VAC14: variants seen among roughly 807,000 people sequenced by gnomAD.
VAC14 encodes the protein VAC14 component of PIKFYVE complex.
VAC14 carries 47 observed loss-of-function variants against 85.3 expected under a neutral mutation model. The ratio of observed to expected loss-of-function variants is 0.55; its 90% CI spans 0.44 to 0.70. The LOEUF (loss-of-function observed/expected upper bound fraction) is 0.70, where lower values mean the gene tolerates loss of function less well. Ranked by LOEUF, VAC14 falls within the 30% of genes least tolerant of loss-of-function variation. VAC14 has a pLI of 0.00. For missense variants in VAC14, 861 were observed against 1,004.3 expected, an observed-to-expected ratio of 0.86 and a Z score of 1.93; for synonymous variants, 447 against 430.5, an observed-to-expected ratio of 1.04 and a Z score of -0.47.
chr16:70,744,630 C>T (rs757474601), intron 12 of VAC14, 51 bp from the exon 13 acceptor site: 2 of 1,522,826 alleles, frequency 1.3e-6, no homozygotes, highest in South Asian at 2.6e-5. Context: ...GAGAGCTGTG[C>T]TGACCTGGGC....
chr16:70,707,939 C>G (rs150308343), intron 14 of VAC14, among the ~76,000 whole-genome samples: 1 of 151,974 alleles, frequency 6.6e-6, no homozygotes, highest in Non-Finnish European at 1.5e-5. Context: ...TACAGGCGCC[C>G]GTCACCACAC....
At chr16:70,698,998 C>T (rs533406595) in intron 14 of VAC14, among the ~76,000 whole-genome samples, 187 bp from the exon 15 acceptor site, 1 of 152,258 alleles carries the variant, frequency 6.6e-6, no homozygotes, top group South Asian at 2.1e-4. Context: ...GAATGCCGCA[C>T]CTGCCTCTAG....
chr16:70,737,081 G>C (rs1207961893), intron 13 of VAC14, among the ~76,000 whole-genome samples: 1 of 152,176 alleles, frequency 6.6e-6, no homozygotes, highest in Non-Finnish European at 1.5e-5. Flanking sequence ...GGAGGAGATG[G>C]GTGGAGAGAG....
At chr16:70,735,080 C>T (rs1314456441) in intron 13 of VAC14, among the ~76,000 whole-genome samples, 1 of 152,146 alleles carries the variant, frequency 6.6e-6, no homozygotes, top group Non-Finnish European at 1.5e-5. Flanking sequence ...CCAGGTCCTG[C>T]CAAGCTGAGA....
chr16:70,758,312 C>T (rs1288103670), intron 12 of VAC14, among the ~76,000 whole-genome samples: 1 of 152,068 alleles, frequency 6.6e-6, no homozygotes, highest in Non-Finnish European at 1.5e-5. Context: ...CTGGTGTAGA[C>T]ATCATTATCC....
intron 1 of VAC14, among the ~76,000 whole-genome samples, chr16:70,790,989 C>T (rs555657593): frequency 6.6e-6 from 1 of 152,302 alleles, no homozygotes; most frequent in South Asian, 2.1e-4. Context: ...CCTGGGCCAC[C>T]GGCAGGAAGA....
intron 6 of VAC14, 149 bp from the exon 7 acceptor site, chr16:70,783,288 T>G: frequency 9.5e-7 from 1 of 1,047,184 alleles, no homozygotes; most frequent in Non-Finnish European, 1.4e-6. Context: ...ATGCTGGGGG[T>G]TGATGGGCTC....
intron 18 of VAC14, chr16:70,689,851 C>T (rs1305868375): frequency 1.0e-6 from 1 of 985,404 alleles, no homozygotes; most frequent in Non-Finnish European, 1.2e-6. Context: ...GCCACTGCTC[C>T]AAGAGAGCAG....
At chr16:70,746,848 T>C (rs2030936987) in intron 12 of VAC14, among the ~76,000 whole-genome samples, 1 of 151,924 alleles carries the variant, frequency 6.6e-6, no homozygotes, top group Non-Finnish European at 1.5e-5. Context: ...GGGAGGGGAC[T>C]TGAGACCAGG....
chr16:70,755,126 G>A (rs753149861), intron 12 of VAC14: 13 of 236,424 alleles, frequency 5.5e-5, no homozygotes, highest in South Asian at 3.7e-4. Flanking sequence ...GCACCCAGGC[G>A]GCTTCTACAC....
chr16:70,710,718 A>G (rs545565597), intron 14 of VAC14, among the ~76,000 whole-genome samples: 1 of 152,370 alleles, frequency 6.6e-6, no homozygotes, highest in South Asian at 2.1e-4. Context: ...AGGCCTCGGC[A>G]GGGCCCACAC....
At position 70,736,253 on chromosome 16, in the gene VAC14, G is replaced by A. The variant is rs143943914; in HGVS notation, c.1529-4626C>T. Among the ~76,000 whole-genome samples the A allele has an allele frequency of 8.7e-4, 133 of 152,218 alleles. 1 individual carries two copies. Among genetic ancestry groups the A allele is most frequent in the Non-Finnish European group, 1.7e-3 (114 of 68,040 alleles). ...ATGAGATAAAAACATGTAATGTGCC[G>A]GGTCCGGAGCCTGCCGCACAGTCTG... On this transcript the variant is annotated intron_variant, in intron 13 of 18. Coordinates refer to ENST00000261776, the MANE Select transcript of VAC14 (RefSeq NM_018052.5).
chr16:70,711,900 T>C (rs1034345149), intron 14 of VAC14, among the ~76,000 whole-genome samples: 1 of 152,008 alleles, frequency 6.6e-6, no homozygotes, highest in African/African-American at 2.4e-5. Context: ...AAAGAGCAAA[T>C]ATCAGAGCAG....
intron 12 of VAC14, among the ~76,000 whole-genome samples, chr16:70,756,844 C>G (rs1035527796): frequency 1.3e-5 from 2 of 152,212 alleles, no homozygotes; most frequent in Non-Finnish European, 2.9e-5. Context: ...CCATCCTTTC[C>G]TCCTGAGTCA....
At chr16:70,705,708 G>A (rs912560034) in intron 14 of VAC14, among the ~76,000 whole-genome samples, 12 of 152,152 alleles carry the variant, frequency 7.9e-5, no homozygotes, top group African/African-American at 2.9e-4. Flanking sequence ...AGCCCTCACT[G>A]GCCCCGCAAC....
At chr16:70,750,138 C>T (rs111435709) in intron 12 of VAC14, among the ~76,000 whole-genome samples, 13 of 152,132 alleles carry the variant, frequency 8.5e-5, no homozygotes, top group East Asian at 1.9e-4. Flanking sequence ...AGGAAAGGCC[C>T]GAGAGCTAAA....
chr16:70,704,685 G>C (rs1166781431), intron 14 of VAC14, among the ~76,000 whole-genome samples: 1 of 152,298 alleles, frequency 6.6e-6, no homozygotes, highest in East Asian at 1.9e-4. Context: ...CATCGTGGGA[G>C]CCTGGGGAGG....
intron 10 of VAC14, chr16:70,770,572 C>A (rs546685782): frequency 6.6e-6 from 1 of 152,266 alleles, no homozygotes. Context: ...CCCAGCCAGT[C>A]TTCTCATTGC....
At chr16:70,714,588 G>A (rs1207546316) in intron 14 of VAC14, 1 of 152,258 alleles carries the variant, frequency 6.6e-6, no homozygotes, top group African/African-American at 2.4e-5. Context: ...GGAAAAATGA[G>A]TGGACAAGGA....
Sources: allele counts gnomAD v4.1 joint callset (sites outside exome capture counted in the v4.1 genomes callset), GRCh38; gene constraint gnomAD v4.1.1; transcripts MANE v1.5; gene names NCBI Gene and HGNC (gene_info 2026-07-23, HGNC 2026-07-21).